N4BP2: variants seen among roughly 807,000 people sequenced by gnomAD.
N4BP2 encodes the protein NEDD4 binding protein 2, also known as NEDD4-binding protein 2.
N4BP2 carries 91 observed loss-of-function variants against 152.8 expected under a neutral mutation model. That is an observed-to-expected ratio of 0.60 (90% CI 0.50 to 0.71). The LOEUF (loss-of-function observed/expected upper bound fraction) is 0.71. Among genes scored for constraint, N4BP2 ranks in the 30% least tolerant of loss-of-function variants. The probability of loss-of-function intolerance (pLI) is 0.00; values close to 1 mark genes in which losing one functional copy is unlikely to be tolerated. For synonymous variants in N4BP2, 646 were observed against 705.3 expected (o/e 0.92, Z 1.33); for missense variants, 1,923 against 2,059.1 (o/e 0.93, Z 1.28).
At chr4:40,130,352 G>C (rs1238252163) in intron 12 of N4BP2, among the ~76,000 whole-genome samples, 1 of 151,888 alleles carries the variant, frequency 6.6e-6, no homozygotes, top group Non-Finnish European at 1.5e-5. Flanking sequence ...AATTCTTCAG[G>C]TAGCTTGTTT....
Position 40,106,938 on chromosome 4 carries a change from G to A in N4BP2, c.1412G>A (p.Ser471Asn), listed in dbSNP as rs1716357001. Residue 471 changes from serine to asparagine, a missense_variant, in exon 5 of 18, where the codon AGT becomes AAT. By Grantham distance (46) the Ser-to-Asn change is conservative (BLOSUM62 1). Transcript: ENST00000261435. ...QEDNPSGVIL[S>N]TDDYFYINGQ... ...GATAATCCAAGTGGAGTCATTCTTA[G>A]TACTGATGATTATTTTTATATAAAT... 6.2e-7 allele frequency: 1 copy of A among 1,612,210 alleles called. No homozygotes were observed. Among genetic ancestry groups the A allele is most frequent in the Non-Finnish European group, 8.5e-7 (1 of 1,178,440 alleles).
chr4:40,082,251 G>A (rs13110235), intron 2 of N4BP2, among the ~76,000 whole-genome samples: 25,940 of 145,018 alleles, frequency 0.18, 2,995 homozygotes, highest in Admixed American at 0.26. Context: ...ACTCCAGCCT[G>A]GGCGACAGAG....
intron 14 of N4BP2, among the ~76,000 whole-genome samples, chr4:40,139,942 G>A (rs1024830247): frequency 2.0e-5 from 3 of 150,802 alleles, no homozygotes; most frequent in East Asian, 3.9e-4. Flanking sequence ...TGGGACTACA[G>A]GCATGAACCA....
intron 2 of N4BP2, among the ~76,000 whole-genome samples, chr4:40,081,661 A>C (rs1349593023): frequency 1.3e-5 from 2 of 151,508 alleles, no homozygotes; most frequent in Non-Finnish European, 2.9e-5. Context: ...AAAAACAAAA[A>C]CAAAAAACTA....
chr4:40,137,939 G>T (rs1233981055), intron 14 of N4BP2, among the ~76,000 whole-genome samples: 3 of 152,144 alleles, frequency 2.0e-5, no homozygotes, highest in African/African-American at 7.2e-5. Context: ...GAAGTTGGAG[G>T]CATAGTTTCT....
downstream of N4BP2, among the ~76,000 whole-genome samples, chr4:40,159,839 C>T (rs555368277): frequency 6.6e-6 from 1 of 151,792 alleles, no homozygotes; most frequent in East Asian, 1.9e-4. Flanking sequence ...TTGATGACTT[C>T]TGAGTGTTAG....
chr4:40,111,774 C>T (rs1393915652), intron 5 of N4BP2, among the ~76,000 whole-genome samples: 1 of 152,082 alleles, frequency 6.6e-6, no homozygotes, highest in African/African-American at 2.4e-5. Context: ...CACCACCACA[C>T]CCAAATAATT....
At chr4:40,142,470 G>C (rs1016124526) in intron 14 of N4BP2, 1 of 514,314 alleles carries the variant, frequency 1.9e-6, no homozygotes, top group Non-Finnish European at 3.5e-6. Context: ...GTTAAAGAAA[G>C]GGTAACCTTA....
chr4:40,097,008 G>A (rs533327218), intron 2 of N4BP2, among the ~76,000 whole-genome samples: 6 of 152,122 alleles, frequency 3.9e-5, no homozygotes, highest in African/African-American at 1.4e-4. Context: ...TATTGAAATA[G>A]TGTATTCATT....
At chr4:40,153,811 A>G (rs1296283168) in intron 17 of N4BP2, among the ~76,000 whole-genome samples, 1 of 152,172 alleles carries the variant, frequency 6.6e-6, no homozygotes, top group Non-Finnish European at 1.5e-5. Context: ...ATAGAGTTGA[A>G]AGCATTGCAT....
chr4:40,107,695 A>G (rs995956564), intron 5 of N4BP2, among the ~76,000 whole-genome samples: 1 of 152,102 alleles, frequency 6.6e-6, no homozygotes, highest in Non-Finnish European at 1.5e-5. Flanking sequence ...ATAACTGTAT[A>G]GTATATATAA....
At position 40,056,850 on chromosome 4, in the gene N4BP2, AGTGTCTCCCCGCCGGGCGCGCTCGCC is replaced by A. The variant is rs1733203471; in HGVS notation, c.-381_-356del. 3 of 151,854 alleles carry A rather than the reference AGTGTCTCCCCGCCGGGCGCGCTCGCC, an allele frequency of 2.0e-5. No individual in the cohort carries two copies. 9.4% of individuals were successfully genotyped at this position (151,854 alleles called of 1,614,324 possible). ...CTTCCCCGGCCGGACGGAGAGCGGC[AGTGTCTCCCCGCCGGGCGCGCTCGCC>A]GTGTCTCCCCCGCGGCCGCAGCTGC... On this transcript the variant is annotated 5_prime_UTR_variant, in exon 1 of 18. Transcript: ENST00000261435.
intron 2 of N4BP2, among the ~76,000 whole-genome samples, chr4:40,084,794 T>C (rs904180738): frequency 2.6e-5 from 4 of 151,346 alleles, no homozygotes; most frequent in African/African-American, 9.7e-5. Flanking sequence ...TTTGTATTTT[T>C]GGTAGAGACA....
intron 3 of N4BP2, among the ~76,000 whole-genome samples, chr4:40,101,306 G>A (rs1042374056): frequency 7.9e-5 from 12 of 152,090 alleles, no homozygotes; most frequent in African/African-American, 1.9e-4. Flanking sequence ...ACAGGCATGC[G>A]CCGCCACTAT....
Position 40,121,465 on chromosome 4 carries a change from T to G in N4BP2, c.3354T>G (p.Ile1118Met), listed in dbSNP as rs780609812. The G allele has an allele frequency of 2.5e-6, 4 of 1,614,058 alleles. No individual in the cohort carries two copies. The highest frequency in any genetic ancestry group is 2.5e-6 in the Non-Finnish European group (3 of 1,179,978). Residue 1118 changes from isoleucine (I) to methionine (M), a missense_variant, in exon 9 of 18, where the codon ATT becomes ATG. Ile to Met is a conservative substitution (Grantham distance 10). Transcript: ENST00000261435. ...TATATGAGAGGTGCAATAAAGATAT[T>G]ATTTGGGCCACAAGCCTTTTGTTGG... ...KDLYERCNKDIIWATSLLLDS... is the reference protein window; with the variant it reads ...KDLYERCNKDMIWATSLLLDS...
chr4:40,153,921 A>T (rs1318728855), intron 17 of N4BP2, among the ~76,000 whole-genome samples: 1 of 152,146 alleles, frequency 6.6e-6, no homozygotes, highest in Non-Finnish European at 1.5e-5. Context: ...ACTCTTTTTC[A>T]TAAAGGTAAA....
intron 2 of N4BP2, among the ~76,000 whole-genome samples, chr4:40,090,905 C>T (rs1714466124): frequency 7.8e-6 from 1 of 127,984 alleles, no homozygotes; most frequent in South Asian, 2.7e-4. Context: ...TGCACTCCAG[C>T]CTGGGTGACA....
intron 1 of N4BP2, among the ~76,000 whole-genome samples, chr4:40,067,431 G>A (rs1477865540): frequency 7.1e-6 from 1 of 140,472 alleles, no homozygotes; most frequent in African/African-American, 2.7e-5. Context: ...CCATTCACTT[G>A]TTGATGGACA....
At chr4:40,142,533 C>T (rs947656047) in intron 14 of N4BP2, 140 bp from the exon 15 acceptor site, 19 of 611,758 alleles carry the variant, frequency 3.1e-5, no homozygotes, top group Non-Finnish European at 4.1e-5. Context: ...ACAAGGTAGA[C>T]GCTGGGGAGA....
Sources: gnomAD v4.1 joint callset for allele counts (sites outside exome capture counted in the v4.1 genomes callset) on GRCh38, gnomAD v4.1.1 for gene constraint, MANE v1.5 for transcripts, NCBI Gene and HGNC (gene_info 2026-07-23, HGNC 2026-07-21) for gene names.